NEMF: variants seen among roughly 807,000 people sequenced by gnomAD.
NEMF encodes ribosome quality control complex subunit NEMF.
In NEMF, 89 loss-of-function variants were observed where a neutral mutation model predicts 162.2. The ratio of observed to expected loss-of-function variants is 0.55; its 90% CI spans 0.46 to 0.65. The LOEUF is 0.65. Among genes scored for constraint, NEMF ranks in the 30% least tolerant of loss-of-function variants. The pLI is 0.00. For missense variants in NEMF, 1,133 were observed against 1,261.9 expected, an observed-to-expected ratio of 0.90 and a Z score of 1.55; for synonymous variants, 421 against 404.5, an observed-to-expected ratio of 1.04 and a Z score of -0.49.
intron 7 of NEMF, among the ~76,000 whole-genome samples, chr14:49,833,839 A>T (rs1309353550): frequency 6.6e-6 from 1 of 152,152 alleles, no homozygotes; most frequent in Non-Finnish European, 1.5e-5. Context: ...CTATAGCTTC[A>T]TATTTTAATC....
At chr14:49,788,342 G>A (rs960189575) in intron 28 of NEMF, among the ~76,000 whole-genome samples, 1 of 150,944 alleles carries the variant, frequency 6.6e-6, no homozygotes, top group Non-Finnish European at 1.5e-5. Context: ...ACAGAAGGCT[G>A]GGCTTGCTGT....
At chr14:49,788,060 C>T (rs1890260284) in intron 28 of NEMF, among the ~76,000 whole-genome samples, 2 of 152,230 alleles carry the variant, frequency 1.3e-5, no homozygotes, top group Admixed American at 6.5e-5. Flanking sequence ...AGGCGGATCA[C>T]CTGAGATCAG....
In NEMF at chr14:49,782,149, C is replaced by T. The variant is rs1889932848; in HGVS notation, c.*2487G>A. On this transcript the variant is annotated 3_prime_UTR_variant, in exon 33 of 33. Coordinates refer to ENST00000298310, the MANE Select transcript of NEMF (RefSeq NM_004713.6). ...ATCGTTCAGTTCAAACTCCTCATTGCATAAATGAGAACGACCAGAGAGAGA... is the reference window on the plus strand; with the variant it reads ...ATCGTTCAGTTCAAACTCCTCATTGTATAAATGAGAACGACCAGAGAGAGA... 1 of 510,762 alleles carries T rather than the reference C, an allele frequency of 2.0e-6. No individual in the cohort carries two copies. The allele number at this position is 510,762 out of a possible 1,614,324, so 31.6% of individuals were successfully genotyped here. A position where few individuals can be genotyped will look rare whatever the true frequency, so the allele number is the denominator to read the frequency against.
In NEMF at chr14:49,844,307, G is replaced by A. The variant is rs188972172; in HGVS notation, c.357+1833C>T. Among the ~76,000 whole-genome samples the A allele has an allele frequency of 5.4e-4, 82 of 152,200 alleles. 1 individual carries two copies. In the East Asian group the frequency reaches 0.013, roughly 24 times the overall value. On this transcript the variant is annotated intron_variant, in intron 4 of 32. Coordinates refer to ENST00000298310, the MANE Select transcript of NEMF (RefSeq NM_004713.6). ...TCCCTTGCATGCACAGTTCACAATA[G>A]GGTTCACGCTCCTATAAGAATCTAA...
chr14:49,798,175 T>C (rs547619210), intron 25 of NEMF, among the ~76,000 whole-genome samples: 10 of 152,334 alleles, frequency 6.6e-5, no homozygotes, highest in South Asian at 2.1e-4. Flanking sequence ...ATAAAAATGA[T>C]TGTCAAAAAT....
chr14:49,805,701 A>G (rs1467012400), intron 19 of NEMF, among the ~76,000 whole-genome samples: 1 of 152,230 alleles, frequency 6.6e-6, no homozygotes, highest in East Asian at 1.9e-4. Flanking sequence ...ATAATCAATA[A>G]TAACTGGAAC....
At chr14:49,824,971 T>C (rs1892267051) in intron 16 of NEMF, among the ~76,000 whole-genome samples, 1 of 152,244 alleles carries the variant, frequency 6.6e-6, no homozygotes. Context: ...GAGAGACTTC[T>C]GACCTCTGCA....
chr14:49,838,346 T>C, intron 5 of NEMF, 140 bp from the exon 6 acceptor site: 1 of 628,510 alleles, frequency 1.6e-6, no homozygotes, highest in Non-Finnish European at 2.7e-6. Context: ...ATTCTTCTGT[T>C]GTGAGAAAAT....
chr14:49,836,808 A>G (rs1892929159), intron 6 of NEMF, among the ~76,000 whole-genome samples: 1 of 152,236 alleles, frequency 6.6e-6, no homozygotes, highest in South Asian at 2.1e-4. Flanking sequence ...CTGCATATAC[A>G]TAATGAGATA....
chr14:49,833,040 C>T (rs1286500207), intron 8 of NEMF, among the ~76,000 whole-genome samples: 1 of 152,076 alleles, frequency 6.6e-6, no homozygotes, highest in Non-Finnish European at 1.5e-5. Context: ...CCAAGGCAGG[C>T]GGATCACTTG....
At chr14:49,843,511 T>C (rs1893318955) in intron 4 of NEMF, among the ~76,000 whole-genome samples, 1 of 152,066 alleles carries the variant, frequency 6.6e-6, no homozygotes, top group Non-Finnish European at 1.5e-5. Flanking sequence ...TAAAAAATAT[T>C]GCATAAAAGA....
chr14:49,785,049 T>C (rs746331409), intron 31 of NEMF, 43 bp downstream of exon 31: 1 of 1,607,030 alleles, frequency 6.2e-7, no homozygotes, highest in Non-Finnish European at 8.5e-7. Flanking sequence ...GTTAAGTCAC[T>C]GAACTGTTTA....
chr14:49,844,368 T>G (rs1307415645), intron 4 of NEMF, among the ~76,000 whole-genome samples: 2 of 152,188 alleles, frequency 1.3e-5, no homozygotes, highest in East Asian at 1.9e-4. Flanking sequence ...AGAGCTCAGG[T>G]GAGTAATGCT....
chr14:49,800,692 T>G lies in NEMF; in HGVS notation c.2100A>C (p.Gly700=). 1 of 1,612,056 alleles carries G rather than the reference T, an allele frequency of 6.2e-7. No individual in the cohort carries two copies. Among genetic ancestry groups the G allele is most frequent in the Non-Finnish European group, 8.5e-7 (1 of 1,179,114 alleles). The stretch of plus-strand genomic sequence containing the variant: ...TATCCTCATCACTGCTCGTGTCACC[T>G]CCATCTGTAGAATTATCATAAGGAA... The part of the protein sequence containing the change: ...LISEEMEQLD[G]GDTSSDEDKE... Residue 700 remains glycine (G), a synonymous_variant, in exon 23 of 33, where the codon GGA becomes GGC. Coordinates refer to ENST00000298310, the MANE Select transcript of NEMF (RefSeq NM_004713.6).
chr14:49,832,329 A>C (rs747019239), intron 8 of NEMF, 52 bp from the exon 9 acceptor site: 2 of 1,190,852 alleles, frequency 1.7e-6, no homozygotes, highest in Admixed American at 2.7e-5. Context: ...ACAAAGATTT[A>C]CTTCTTTTTT....
intron 24 of NEMF, 24 bp from the exon 25 acceptor site, chr14:49,799,548 A>C: frequency 1.2e-6 from 2 of 1,604,284 alleles, no homozygotes; most frequent in Admixed American, 3.5e-5. Context: ...AAAACAGGCA[A>C]ATGCAAATAT....
rs764145460 is a variant in NEMF at position 49,799,449 on chromosome 14, T to C, written c.2465+26A>G. On this transcript the variant is annotated intron_variant, in intron 25 of 32. Transcript: ENST00000298310. Reference sequence around the variant, plus strand: ...AAAAAAAAAAGAAAAACATGCTTTTTAGTTAATTAACACAGATGTGTTTAC... The same window carrying C: ...AAAAAAAAAAGAAAAACATGCTTTTCAGTTAATTAACACAGATGTGTTTAC... 6.4e-6 allele frequency: 10 copies of C among 1,570,746 alleles called. No individual in the cohort carries two copies. The East Asian group carries it at 9.0e-5, about 14-fold the overall frequency.
At chr14:49,827,308 G>T (rs998893228) in intron 15 of NEMF, among the ~76,000 whole-genome samples, 2 of 151,958 alleles carry the variant, frequency 1.3e-5, no homozygotes, top group African/African-American at 4.8e-5. Flanking sequence ...CACCTCAGCC[G>T]CCCAAGTAGC....
At position 49,831,331 on chromosome 14, in the gene NEMF, C is replaced by G; in HGVS notation, c.913G>C (p.Gly305Arg). The stretch of plus-strand genomic sequence containing the variant: ...AAAGCTTTTAAGTCAATTTTCTGGC[C>G]TTCTATCTTGGAATAAAATTCATCC... ...AVDEFYSKIE[G>R]QKIDLKALQQ... The change falls in exon 11 of 33, where the codon GGC becomes CGC. Residue 305 changes from glycine to arginine, a missense_variant. Physicochemically the swap from Gly to Arg is moderately radical, Grantham distance 125. Transcript: ENST00000298310. 1 of 1,602,378 alleles carries G rather than the reference C, an allele frequency of 6.2e-7. No homozygotes were observed. Among genetic ancestry groups the G allele is most frequent in the Non-Finnish European group, 8.5e-7 (1 of 1,170,102 alleles).
Sources: allele counts gnomAD v4.1 joint callset (sites outside exome capture counted in the v4.1 genomes callset), GRCh38; gene constraint gnomAD v4.1.1; transcripts MANE v1.5; gene names NCBI Gene and HGNC (gene_info 2026-07-23, HGNC 2026-07-21).